The following IQGAP2 variants were observed in gnomAD, a reference collection of about 807,000 sequenced individuals.
IQGAP2 encodes IQ motif containing GTPase activating protein 2.
A neutral mutation model predicts 201.3 loss-of-function variants in IQGAP2; 173 were observed. The observed-to-expected ratio is 0.86, with a 90% CI of 0.76 to 0.98. The LOEUF (loss-of-function observed/expected upper bound fraction) is 0.98. IQGAP2 is among the 50% of genes least tolerant of loss of function. The pLI is 0.00. For synonymous variants in IQGAP2, 675 were observed against 673.9 expected, an observed-to-expected ratio of 1.00 and a Z score of -0.03; for missense variants, 1,687 against 1,864.8, an observed-to-expected ratio of 0.90 and a Z score of 1.76.
chr5:76,695,322 T>C, intron 31 of IQGAP2, 132 bp from the exon 32 acceptor site: 1 of 685,272 alleles, frequency 1.5e-6, no homozygotes, highest in Non-Finnish European at 2.5e-6. Context: ...AGGAAGAACA[T>C]GTTCTGGTTC....
At chr5:76,464,772 T>C (rs1206893083) in intron 2 of IQGAP2, among the ~76,000 whole-genome samples, 2 of 152,162 alleles carry the variant, frequency 1.3e-5, no homozygotes, top group Middle Eastern at 3.2e-3. Flanking sequence ...CAAAGGATTA[T>C]AAAGGAATAC....
intron 8 of IQGAP2, among the ~76,000 whole-genome samples, chr5:76,591,899 T>G (rs1410031264): frequency 6.6e-6 from 1 of 152,190 alleles, no homozygotes; most frequent in Non-Finnish European, 1.5e-5. Context: ...CTTCCCTGGT[T>G]CAGAATGATG....
chr5:76,603,882 A>C (rs1216844368), intron 11 of IQGAP2, among the ~76,000 whole-genome samples: 1 of 152,202 alleles, frequency 6.6e-6, no homozygotes, highest in Admixed American at 6.5e-5. Flanking sequence ...TGTTTGGGGA[A>C]ACTACGGAAT....
At chr5:76,442,002 A>C (rs1753070311) in intron 1 of IQGAP2, among the ~76,000 whole-genome samples, 1 of 152,190 alleles carries the variant, frequency 6.6e-6, no homozygotes. Context: ...TAGCGAGGGA[A>C]TAGCCATGGG....
chr5:76,416,312 A>G (rs1373320902), intron 1 of IQGAP2, among the ~76,000 whole-genome samples: 1 of 152,238 alleles, frequency 6.6e-6, no homozygotes, highest in East Asian at 1.9e-4. Context: ...ATTTGTGAGC[A>G]GTGTACAGGC....
At chr5:76,436,822 C>G (rs1315021861) in intron 1 of IQGAP2, among the ~76,000 whole-genome samples, 2 of 151,610 alleles carry the variant, frequency 1.3e-5, no homozygotes, top group Non-Finnish European at 2.9e-5. Flanking sequence ...GCCACCGTGC[C>G]TGGCCAATCG....
At chr5:76,498,886 G>A (rs1291193338) in intron 2 of IQGAP2, among the ~76,000 whole-genome samples, 1 of 152,186 alleles carries the variant, frequency 6.6e-6, no homozygotes, top group Non-Finnish European at 1.5e-5. Context: ...GATGTCTGGG[G>A]TTCTAGATAG....
At chr5:76,683,277 G>T (rs1745465340) in intron 29 of IQGAP2, 60 bp downstream of exon 29, 1 of 1,087,516 alleles carries the variant, frequency 9.2e-7, no homozygotes, top group Non-Finnish European at 1.4e-6. Flanking sequence ...GGGTTGGTTG[G>T]TTGGTTCGTT....
intron 2 of IQGAP2, among the ~76,000 whole-genome samples, chr5:76,550,145 T>C (rs1192993126): frequency 6.6e-6 from 1 of 152,138 alleles, no homozygotes; most frequent in African/African-American, 2.4e-5. Flanking sequence ...AGACAAGTTA[T>C]TTGCTTCCAA....
intron 35 of IQGAP2, among the ~76,000 whole-genome samples, chr5:76,706,584 G>C (rs912996322): frequency 3.9e-5 from 6 of 152,096 alleles, no homozygotes; most frequent in Non-Finnish European, 7.4e-5. Flanking sequence ...CTGACCTCAA[G>C]TGATCCACCT....
At chr5:76,579,669 T>A (rs542525043) in intron 5 of IQGAP2, among the ~76,000 whole-genome samples, 43 of 152,292 alleles carry the variant, frequency 2.8e-4, no homozygotes, top group African/African-American at 8.9e-4. Flanking sequence ...AAATATTTTT[T>A]TTTTAATTAG....
In IQGAP2 at chr5:76,462,248, G is replaced by A. The variant is rs139357759; in HGVS notation, c.146+579G>A. Among the ~76,000 whole-genome samples, 186 of 152,174 alleles carry A rather than the reference G, an allele frequency of 1.2e-3. 2 individuals are homozygous for A. Among genetic ancestry groups the A allele is most frequent in the African/African-American group, 4.2e-3 (173 of 41,502 alleles). ...GCTTCCTTGGGTCTTTTCCCCACTC[G>A]CAGCCCAATGATGATAAATGCCCAG... On this transcript the variant is annotated intron_variant, in intron 2 of 35. Transcript: ENST00000274364.
chr5:76,500,567 A>T (rs1347448756), intron 2 of IQGAP2, among the ~76,000 whole-genome samples: 1 of 152,248 alleles, frequency 6.6e-6, no homozygotes. Flanking sequence ...GAATTAAGGA[A>T]TACTAAATAT....
At chr5:76,431,078 C>T (rs1752341537) in intron 1 of IQGAP2, among the ~76,000 whole-genome samples, 1 of 151,820 alleles carries the variant, frequency 6.6e-6, no homozygotes. Context: ...TTAACGTGTA[C>T]ATATATATGT....
chr5:76,682,220 A>G (rs1580809176), intron 28 of IQGAP2, among the ~76,000 whole-genome samples: 1 of 152,140 alleles, frequency 6.6e-6, no homozygotes, highest in Non-Finnish European at 1.5e-5. Context: ...TCTGAATTCT[A>G]TTTTGGTAAA....
intron 17 of IQGAP2, among the ~76,000 whole-genome samples, chr5:76,642,279 T>C (rs1322996511): frequency 6.6e-6 from 1 of 152,102 alleles, no homozygotes; most frequent in Non-Finnish European, 1.5e-5. Context: ...AGTGTTGCAG[T>C]TGGAAGATAT....
chr5:76,581,287 A>G (rs1372122514), intron 5 of IQGAP2, among the ~76,000 whole-genome samples: 1 of 152,220 alleles, frequency 6.6e-6, no homozygotes, highest in African/African-American at 2.4e-5. Flanking sequence ...TAAGAAACTG[A>G]TTGAACCCTT....
chr5:76,523,076 C>CTTTTTTTTTTTTTTTTT (rs35277348), intron 2 of IQGAP2, among the ~76,000 whole-genome samples: 4 of 78,374 alleles, frequency 5.1e-5, no homozygotes, highest in East Asian at 4.8e-4. Flanking sequence ...TTTCTTTTGC[C>CTTTTTTTTTTTTTTTTT]TTTTTTTTTT....
intron 24 of IQGAP2, 53 bp downstream of exon 24, chr5:76,672,036 C>A: frequency 1.5e-6 from 2 of 1,368,264 alleles, no homozygotes; most frequent in Non-Finnish European, 1.0e-6. Flanking sequence ...GATATTTTTA[C>A]ATGTGTATTT....
Sources: gnomAD v4.1 joint callset for allele counts (sites outside exome capture counted in the v4.1 genomes callset) on GRCh38, gnomAD v4.1.1 for gene constraint, MANE v1.5 for transcripts, NCBI Gene and HGNC (gene_info 2026-07-23, HGNC 2026-07-21) for gene names.